RIMS2: variants seen among roughly 807,000 people sequenced by gnomAD.
The protein encoded by RIMS2 is regulating synaptic membrane exocytosis protein 2.
Under a neutral mutation model 174.4 loss-of-function variants are expected in RIMS2, and 59 were observed. The ratio of observed to expected loss-of-function variants is 0.34; its 90% CI spans 0.27 to 0.42. The LOEUF is 0.42. Among genes scored for constraint, RIMS2 ranks in the 10% least tolerant of loss-of-function variants. RIMS2 has a pLI of 1.00. For missense variants in RIMS2, 1,620 were observed against 1,666.3 expected, an observed-to-expected ratio of 0.97 and a Z score of 0.48; for synonymous variants, 606 against 572.5, an observed-to-expected ratio of 1.06 and a Z score of -0.84.
intron 13 of RIMS2, among the ~76,000 whole-genome samples, chr8:103,937,280 A>G (rs1409573338): frequency 1.3e-5 from 2 of 152,140 alleles, no homozygotes; most frequent in Admixed American, 6.5e-5. Context: ...GTCAGTTCTT[A>G]TTTTAGAACT....
intron 20 of RIMS2, among the ~76,000 whole-genome samples, chr8:104,247,336 C>G (rs897360075): frequency 6.6e-6 from 1 of 152,142 alleles, no homozygotes; most frequent in African/African-American, 2.4e-5. Context: ...AGGCTCTTCT[C>G]CTTGGCTTGC....
intron 2 of RIMS2, among the ~76,000 whole-genome samples, chr8:103,748,710 G>A (rs1208401865): frequency 6.6e-6 from 1 of 151,838 alleles, no homozygotes; most frequent in African/African-American, 2.4e-5. Context: ...ATATAATTAT[G>A]TCTGGTCCTT....
chr8:103,787,410 C>T lies in RIMS2; in HGVS notation c.698+20873C>T, dbSNP rs1355007368. On this transcript the variant is annotated intron_variant, in intron 3 of 23. Transcript: ENST00000504942. Reference sequence around the variant, plus strand: ...GGCATGATTTTGCAGCAGCTGGTACCGGTTGTTCCTTTCCATGTTTAGCGC... The same window carrying T: ...GGCATGATTTTGCAGCAGCTGGTACTGGTTGTTCCTTTCCATGTTTAGCGC... Among the ~76,000 whole-genome samples, 19 of 150,550 alleles carry T rather than the reference C, an allele frequency of 1.3e-4. 1 individual carries two copies. Among genetic ancestry groups the T allele is most frequent in the Non-Finnish European group, 1.8e-4 (12 of 67,442 alleles).
intron 3 of RIMS2, among the ~76,000 whole-genome samples, chr8:103,840,470 A>C (rs1166871047): frequency 6.6e-6 from 1 of 151,456 alleles, no homozygotes; most frequent in African/African-American, 2.4e-5. Context: ...ATAATATTTT[A>C]GAGTTTGATT....
intron 1 of RIMS2, among the ~76,000 whole-genome samples, chr8:103,532,067 A>T (rs1362271693): frequency 6.6e-6 from 1 of 152,218 alleles, no homozygotes; most frequent in African/African-American, 2.4e-5. Flanking sequence ...ATTCTCCCTG[A>T]TTAAGTTATG....
At chr8:103,618,534 A>G (rs2095558081) in intron 1 of RIMS2, among the ~76,000 whole-genome samples, 1 of 152,108 alleles carries the variant, frequency 6.6e-6, no homozygotes, top group African/African-American at 2.4e-5. Flanking sequence ...AAAAGGGAGA[A>G]TCTGGTAGAA....
chr8:103,751,156 G>T (rs903463441), intron 2 of RIMS2, among the ~76,000 whole-genome samples: 3 of 151,868 alleles, frequency 2.0e-5, no homozygotes, highest in Admixed American at 1.3e-4. Context: ...TTTGTAAATT[G>T]CCCCATCTCA....
chr8:103,861,547 A>G (rs2154500325), intron 3 of RIMS2, among the ~76,000 whole-genome samples: 1 of 152,168 alleles, frequency 6.6e-6, no homozygotes, highest in East Asian at 1.9e-4. Flanking sequence ...TCTTTGGGAA[A>G]TCTCCATACT....
At chr8:103,571,548 A>G (rs931510541) in intron 1 of RIMS2, among the ~76,000 whole-genome samples, 6 of 152,178 alleles carry the variant, frequency 3.9e-5, no homozygotes, top group African/African-American at 1.4e-4. Context: ...TATATATGGC[A>G]TATATATTTG....
At chr8:103,813,737 C>T (rs78701845) in intron 3 of RIMS2, among the ~76,000 whole-genome samples, 1 of 152,068 alleles carries the variant, frequency 6.6e-6, no homozygotes, top group South Asian at 2.1e-4. Context: ...TGAACTCATC[C>T]TTTTTTATGG....
At chr8:103,839,096 C>T (rs1029336567) in intron 3 of RIMS2, among the ~76,000 whole-genome samples, 2 of 152,092 alleles carry the variant, frequency 1.3e-5, no homozygotes, top group Non-Finnish European at 2.9e-5. Context: ...TGCTGAAATT[C>T]CCCCATCAGT....
At chr8:103,797,642 A>G (rs564049463) in intron 3 of RIMS2, among the ~76,000 whole-genome samples, 6 of 152,322 alleles carry the variant, frequency 3.9e-5, no homozygotes, top group African/African-American at 1.4e-4. Context: ...GTTGCTACAT[A>G]TCAGATTGAT....
At chr8:104,030,503 G>A (rs1262782322) in intron 19 of RIMS2, among the ~76,000 whole-genome samples, 1 of 152,054 alleles carries the variant, frequency 6.6e-6, no homozygotes, top group African/African-American at 2.4e-5. Context: ...GGCCTATAAG[G>A]CCCTACATGA....
intron 1 of RIMS2, among the ~76,000 whole-genome samples, chr8:103,696,773 G>A (rs369130533): frequency 9.2e-4 from 132 of 143,634 alleles, no homozygotes; most frequent in African/African-American, 3.3e-3. Flanking sequence ...TGAGGTGGGA[G>A]AATTGCTAGA....
At chr8:103,801,834 A>C (rs1300768192) in intron 3 of RIMS2, among the ~76,000 whole-genome samples, 1 of 152,228 alleles carries the variant, frequency 6.6e-6, no homozygotes, top group Non-Finnish European at 1.5e-5. Flanking sequence ...TTGCTTTTCA[A>C]TAATACTTTA....
rs117435004 is a variant in RIMS2 at position 104,067,767 on chromosome 8, A to T, written c.3334+53152A>T. The stretch of plus-strand genomic sequence containing the variant: ...TGAATTTAGTTCTTGTTCTAACCCA[A>T]ATTTTTGAAGGCCTTCTGAATATTT... On this transcript the variant is annotated intron_variant, in intron 19 of 23. Coordinates refer to ENST00000504942, the Ensembl canonical transcript of RIMS2. 3.9e-5 allele frequency among the ~76,000 whole-genome samples: 6 copies of T among 152,236 alleles called. No individual in the cohort carries two copies. In the East Asian group the frequency reaches 1.2e-3, roughly 29 times the overall value.
At chr8:103,834,744 C>CTTTCTTTCTTTCTTTCTTTCTT (rs1216333752) in intron 3 of RIMS2, among the ~76,000 whole-genome samples, 5 of 105,170 alleles carry the variant, frequency 4.8e-5, no homozygotes, top group African/African-American at 1.8e-4. Flanking sequence ...TTCTTTCTTT[C>CTTTCTTTCTTTCTTTCTTTCTT]TCTCTCTTTC....
intron 19 of RIMS2, among the ~76,000 whole-genome samples, chr8:104,122,330 G>A (rs983554477): frequency 8.5e-5 from 13 of 152,134 alleles, no homozygotes; most frequent in African/African-American, 3.1e-4. Flanking sequence ...GAAGCTGTAA[G>A]TGCTAGGGTT....
chr8:104,085,003 A>G (rs563230821), intron 19 of RIMS2, among the ~76,000 whole-genome samples: 1 of 152,342 alleles, frequency 6.6e-6, no homozygotes, highest in East Asian at 1.9e-4. Flanking sequence ...ATTTTCATCA[A>G]TATTGTTGCT....
Sources: allele counts gnomAD v4.1 joint callset (sites outside exome capture counted in the v4.1 genomes callset), GRCh38; gene constraint gnomAD v4.1.1; transcripts MANE v1.5; gene names NCBI Gene and HGNC (gene_info 2026-07-23, HGNC 2026-07-21).